The following LYRM4 variants were observed in gnomAD, a reference collection of about 807,000 sequenced individuals.
The protein encoded by LYRM4 is LYR motif containing 4.
In LYRM4, 9 loss-of-function variants were observed where a neutral mutation model predicts 11.7. The observed-to-expected ratio is 0.77, with a 90% CI of 0.46 to 1.34. LYRM4 has a LOEUF of 1.34. LYRM4 is among the 40% of genes most tolerant of loss of function. The probability of loss-of-function intolerance (pLI) is 0.00; values close to 1 mark genes in which losing one functional copy is unlikely to be tolerated. For missense variants in LYRM4, 133 were observed against 112.5 expected, an observed-to-expected ratio of 1.18 and a Z score of -0.82; for synonymous variants, 42 against 40.4, an observed-to-expected ratio of 1.04 and a Z score of -0.15.
chr6:5,057,728 A>T, the LYRM4 span, among the ~76,000 whole-genome samples: 1 of 151,644 alleles, frequency 6.6e-6, no homozygotes, highest in Non-Finnish European at 1.5e-5. Flanking sequence ...AAAAAAAGAA[A>T]AAAAAAAACT....
At chr6:5,146,343 C>T (rs1757720610) in intron 2 of LYRM4, among the ~76,000 whole-genome samples, 1 of 152,218 alleles carries the variant, frequency 6.6e-6, no homozygotes, top group South Asian at 2.1e-4. Context: ...TCTGTGCTTC[C>T]ATCTTGCTCG....
chr6:5,136,912 A>C, intron 2 of LYRM4: 2 of 820,116 alleles, frequency 2.4e-6, no homozygotes, highest in Non-Finnish European at 2.9e-6. Flanking sequence ...GTATATTCAC[A>C]GTTGTGCATC....
At chr6:5,121,024 C>T (rs191640430) in intron 2 of LYRM4, among the ~76,000 whole-genome samples, 44 of 152,290 alleles carry the variant, frequency 2.9e-4, no homozygotes, top group African/African-American at 7.2e-4. Context: ...TTCTGACTAG[C>T]GTCCCTGAAT....
rs374079049 is a variant in LYRM4, at chr6:5,250,465, C to A, written c.86+10183G>T. 2.8e-4 allele frequency among the ~76,000 whole-genome samples: 42 copies of A among 152,260 alleles called. No homozygotes were observed. The South Asian group carries it at 7.9e-3, about 29-fold the overall frequency. On this transcript the variant is annotated intron_variant, in intron 1 of 2. Coordinates refer to ENST00000330636, the MANE Select transcript of LYRM4 (RefSeq NM_020408.6). ...TATTTTCTACTCTAAGTTAACCGTA[C>A]TATTTTTATTTTTTGAAACCATTAT...
intron 2 of LYRM4, among the ~76,000 whole-genome samples, chr6:5,172,574 C>G (rs1445136772): frequency 6.6e-6 from 1 of 152,130 alleles, no homozygotes; most frequent in Non-Finnish European, 1.5e-5. Flanking sequence ...ACCTGTGGGG[C>G]TGAAAGTTCC....
chr6:5,173,411 T>G (rs1759538528), intron 2 of LYRM4, among the ~76,000 whole-genome samples: 1 of 152,224 alleles, frequency 6.6e-6, no homozygotes. Context: ...ATGAGCACAT[T>G]CATGTATGTT....
intron 2 of LYRM4, among the ~76,000 whole-genome samples, chr6:5,151,694 C>A (rs1758098049): frequency 6.6e-6 from 1 of 152,218 alleles, no homozygotes; most frequent in South Asian, 2.1e-4. Flanking sequence ...GCTCAATTTA[C>A]TAGCTGCATG....
chr6:5,245,113 AATATATATATAT>A lies in LYRM4; in HGVS notation c.86+15523_86+15534del, dbSNP rs1158676783. On this transcript the variant is annotated intron_variant, in intron 1 of 2. Coordinates refer to ENST00000330636, the MANE Select transcript of LYRM4 (RefSeq NM_020408.6). ...TTAAAAAAAAAAAAAAAAAAAAAAAAATATATATATATATATATATATATATATATATATATA... is the reference window on the plus strand; with the variant it reads ...TTAAAAAAAAAAAAAAAAAAAAAAAAATATATATATATATATATATATATA... 8.6e-3 allele frequency among the ~76,000 whole-genome samples: 206 copies of A among 24,000 alleles called. 2 individuals are homozygous for A. The highest frequency in any genetic ancestry group is 0.011 in the African/African-American group (58 of 5,230). 15.7% of individuals were successfully genotyped at this position (24,000 alleles called of 152,430 possible). A position where few individuals can be genotyped will look rare whatever the true frequency, so the allele number is the denominator to read the frequency against.
At chr6:5,037,718 C>T in the LYRM4 span, among the ~76,000 whole-genome samples, 4 of 35,616 alleles carry the variant, frequency 1.1e-4, no homozygotes, top group Admixed American at 3.4e-4. Flanking sequence ...CCGGACGGGG[C>T]GGCTGGCCGG....
chr6:5,106,183 A>T (rs540101163), downstream of LYRM4: 1 of 152,258 alleles, frequency 6.6e-6, no homozygotes, highest in Non-Finnish European at 1.5e-5. Context: ...TTCTTCTCAG[A>T]TTTCCCTGCT....
At chr6:5,179,467 C>T (rs569985226) in intron 2 of LYRM4, among the ~76,000 whole-genome samples, 1 of 152,308 alleles carries the variant, frequency 6.6e-6, no homozygotes, top group Non-Finnish European at 1.5e-5. Flanking sequence ...CACCATTCTA[C>T]TTTCTATCTC....
intron 2 of LYRM4, among the ~76,000 whole-genome samples, chr6:5,161,036 A>G (rs1044035296): frequency 6.6e-6 from 1 of 152,206 alleles, no homozygotes; most frequent in Admixed American, 6.5e-5. Context: ...GTTCCAAACT[A>G]TGGAAAATGC....
intron 2 of LYRM4, among the ~76,000 whole-genome samples, chr6:5,144,860 G>A (rs767807241): frequency 1.3e-5 from 2 of 152,122 alleles, no homozygotes; most frequent in South Asian, 2.1e-4. Flanking sequence ...GCGAGGCCAC[G>A]CTGGGTGACC....
chr6:5,243,919 A>G (rs1318227312), intron 1 of LYRM4, among the ~76,000 whole-genome samples: 1 of 152,224 alleles, frequency 6.6e-6, no homozygotes, highest in Non-Finnish European at 1.5e-5. Flanking sequence ...TTTTGCCCAT[A>G]ATCTGAGATG....
the LYRM4 span, among the ~76,000 whole-genome samples, chr6:5,077,088 C>G: frequency 1.3e-5 from 2 of 152,208 alleles, no homozygotes; most frequent in African/African-American, 4.8e-5. Flanking sequence ...GCTCTTAAGT[C>G]ACACAGACGC....
chr6:5,225,025 GATC>G (rs1158242697), intron 1 of LYRM4, among the ~76,000 whole-genome samples: 4 of 152,098 alleles, frequency 2.6e-5, no homozygotes, highest in Admixed American at 1.3e-4. Flanking sequence ...GAGGCAGGCG[GATC>G]ACCTGAGGTC....
At chr6:5,184,026 CA>C (rs1192657856) in intron 2 of LYRM4, among the ~76,000 whole-genome samples, 1 of 152,290 alleles carries the variant, frequency 6.6e-6, no homozygotes, top group East Asian at 1.9e-4. Context: ...ACCATAAATA[CA>C]TACAATTTTT....
At chr6:5,050,448 A>T in the LYRM4 span, among the ~76,000 whole-genome samples, 4 of 152,202 alleles carry the variant, frequency 2.6e-5, no homozygotes, top group African/African-American at 7.2e-5. Context: ...CATCATTTGC[A>T]CTTTTACAAT....
intron 2 of LYRM4, chr6:5,186,469 G>A (rs766190774): frequency 3.9e-6 from 3 of 772,016 alleles, no homozygotes; most frequent in Admixed American, 6.3e-5. Flanking sequence ...TTCCATAAAT[G>A]ATACTAGGAC....
Sources: gnomAD v4.1 joint callset for allele counts (sites outside exome capture counted in the v4.1 genomes callset) on GRCh38, gnomAD v4.1.1 for gene constraint, MANE v1.5 for transcripts, NCBI Gene and HGNC (gene_info 2026-07-23, HGNC 2026-07-21) for gene names.